Variants in RAB15 observed in about 807,000 individuals in gnomAD.
The protein encoded by RAB15 is RAB15, member RAS oncogene family, also known as ras-related protein Rab-15.
RAB15 carries 13 observed loss-of-function variants against 31.8 expected under a neutral mutation model. The ratio of observed to expected loss-of-function variants is 0.41; its 90% confidence interval spans 0.27 to 0.65. The LOEUF is 0.65. Among genes scored for constraint, RAB15 ranks in the 30% least tolerant of loss-of-function variants. The probability of loss-of-function intolerance (pLI) is 0.32; values close to 1 mark genes in which losing one functional copy is unlikely to be tolerated. For synonymous variants in RAB15, 100 were observed against 105.6 expected, an observed-to-expected ratio of 0.95 and a Z score of 0.33; for missense variants, 220 against 277.3, an observed-to-expected ratio of 0.79 and a Z score of 1.47.
chr14:64,957,303 G>A (rs1433306663), intron 1 of RAB15, among the ~76,000 whole-genome samples: 6 of 152,212 alleles, frequency 3.9e-5, no homozygotes, highest in Non-Finnish European at 8.8e-5. Flanking sequence ...TAAATTAAAC[G>A]ATGTATGTGA....
Position 64,948,240 on chromosome 14 carries a change from C to A in RAB15, c.*114G>T. On this transcript the variant is annotated 3_prime_UTR_variant, in exon 7 of 7. Transcript: ENST00000533601. The surrounding 1 kb of genome is among the most constrained non-coding windows in gnomAD (Gnocchi z 7.0). ...GCAGGGGGAGTAGTGGCTACTGATA[C>A]TCAATAGGGTCATCACACGAGAGGA... is the stretch of plus-strand genomic sequence containing the variant. 8.8e-7 allele frequency: 1 copy of A among 1,142,402 alleles called. No homozygotes were observed. Among genetic ancestry groups the A allele is most frequent in the Non-Finnish European group, 1.2e-6 (1 of 846,646 alleles). 70.8% of individuals were successfully genotyped at this position (1,142,402 alleles called of 1,614,324 possible).
At chr14:64,961,052 A>G (rs1886825979) in intron 1 of RAB15, among the ~76,000 whole-genome samples, 1 of 151,986 alleles carries the variant, frequency 6.6e-6, no homozygotes, top group South Asian at 2.2e-4. Flanking sequence ...TGTTATCACC[A>G]GGATCAACCA....
In RAB15 at chr14:64,954,190, T is replaced by C. The variant is rs1886416680; in HGVS notation, c.125-1619A>G. ...ATCCATTGAGCTGTACTTTTCCAAA[T>C]GGGCAATGCCTGGCAGCCATTCTTC... On this transcript the variant is annotated intron_variant, in intron 1 of 6. Coordinates refer to ENST00000533601, the MANE Select transcript of RAB15 (RefSeq NM_001308154.2). This position sits in a 1 kb window ranked among gnomAD's most constrained non-coding sequence, Gnocchi z 4.3. 2.0e-6 allele frequency: 2 copies of C among 985,278 alleles called. No individual in the cohort carries two copies. The highest frequency in any genetic ancestry group is 9.4e-5 in the South Asian group (2 of 21,296). The allele number at this position is 985,278 out of a possible 1,614,324, so 61.0% of individuals were successfully genotyped here.
At chr14:64,956,936 T>TC (rs72335262) in intron 1 of RAB15, among the ~76,000 whole-genome samples, 2 of 45,002 alleles carry the variant, frequency 4.4e-5, no homozygotes, top group African/African-American at 6.1e-4. Context: ...CTAGCTTCAA[T>TC]TTTTTTTTTT....
At chr14:64,969,554 A>C (rs925315409) in intron 1 of RAB15, among the ~76,000 whole-genome samples, 2 of 152,196 alleles carry the variant, frequency 1.3e-5, no homozygotes, top group Non-Finnish European at 2.9e-5. Context: ...ATGGAATCCA[A>C]ACTCCTAGAG....
In RAB15 at chr14:64,953,349, G is replaced by C. The variant is rs1450090224; in HGVS notation, c.125-778C>G. Among the ~76,000 whole-genome samples, 1 of 152,206 alleles carries C rather than the reference G, an allele frequency of 6.6e-6. No individual in the cohort carries two copies. Among genetic ancestry groups the C allele is most frequent in the Non-Finnish European group, 1.5e-5 (1 of 68,042 alleles). ...ACCAGTATCTCAGAGGGTTGCTGAG[G>C]AGGCCGGATGAGATACAGCACCTGG... On this transcript the variant is annotated intron_variant, in intron 1 of 6. Transcript: ENST00000533601. The surrounding 1 kb of genome is among the most constrained non-coding windows in gnomAD (Gnocchi z 4.6).
intron 1 of RAB15, among the ~76,000 whole-genome samples, chr14:64,963,021 A>T (rs2139994414): frequency 6.6e-6 from 1 of 151,900 alleles, no homozygotes; most frequent in South Asian, 2.1e-4. Flanking sequence ...AATAAATGGC[A>T]TGCGTAAAGC....
chr14:64,961,365 T>C (rs1226022189), intron 1 of RAB15, among the ~76,000 whole-genome samples: 1 of 152,186 alleles, frequency 6.6e-6, no homozygotes, highest in Non-Finnish European at 1.5e-5. Flanking sequence ...GGAGCTGATA[T>C]GGTTTGGCTG....
chr14:64,964,521 AAAAAAAAAAG>A lies in RAB15; in HGVS notation c.124+7422_124+7431del, dbSNP rs1435554537. 1.9e-3 allele frequency among the ~76,000 whole-genome samples: 286 copies of A among 147,080 alleles called. 3 individuals are homozygous for A. Among genetic ancestry groups the A allele is most frequent in the African/African-American group, 6.8e-3 (267 of 39,204 alleles). On this transcript the variant is annotated intron_variant, in intron 1 of 6. Transcript: ENST00000533601. Reference sequence around the variant, plus strand: ...GTGACAGAGCAAGACTCTGTTTCAAAAAAAAAAAAGAAAAAAAGAAAAAAGAAAGAAAAGA... The same window carrying A: ...GTGACAGAGCAAGACTCTGTTTCAAAAAAAAAAGAAAAAAGAAAGAAAAGA...
intron 1 of RAB15, among the ~76,000 whole-genome samples, chr14:64,966,126 G>C (rs1887125042): frequency 6.6e-6 from 1 of 152,166 alleles, no homozygotes; most frequent in Non-Finnish European, 1.5e-5. Context: ...GGGGGTACTA[G>C]AGCAGAAACT....
intron 1 of RAB15, among the ~76,000 whole-genome samples, chr14:64,963,604 C>T (rs1181552517): frequency 6.6e-6 from 1 of 152,184 alleles, no homozygotes; most frequent in Non-Finnish European, 1.5e-5. Context: ...AAGACTAGGA[C>T]ATAGAAACTC....
At position 64,950,026 on chromosome 14, in the gene RAB15, T is replaced by C. The variant is rs1210818486; in HGVS notation, c.414+299A>G. On this transcript the variant is annotated intron_variant, in intron 5 of 6. Coordinates refer to ENST00000533601, the MANE Select transcript of RAB15 (RefSeq NM_001308154.2). The surrounding 1 kb of genome is among the most constrained non-coding windows in gnomAD (Gnocchi z 5.6). ...AGGTTGACAACTTGAAGTCCTTCAT[T>C]ACTAACACGGGGATGATCTCTTAAG... Among the ~76,000 whole-genome samples, 1 of 152,174 alleles carries C rather than the reference T, an allele frequency of 6.6e-6. No homozygotes were observed. The highest frequency in any genetic ancestry group is 1.5e-5 in the Non-Finnish European group (1 of 68,028).
rs763476669 is a variant in RAB15 at position 64,971,470 on chromosome 14, C to T, written c.124+483G>A. On this transcript the variant is annotated intron_variant, in intron 1 of 6. Coordinates refer to ENST00000533601, the MANE Select transcript of RAB15 (RefSeq NM_001308154.2). The surrounding 1 kb of genome is among the most constrained non-coding windows in gnomAD (Gnocchi z 4.1). Reference sequence around the variant, plus strand: ...CCCTGGAAACTCGATCCCTGTGGCCCCTCCGTACGTCCTCTCTTCCCCCCC... The same window carrying T: ...CCCTGGAAACTCGATCCCTGTGGCCTCTCCGTACGTCCTCTCTTCCCCCCC... Among the ~76,000 whole-genome samples the T allele has an allele frequency of 2.0e-5, 3 of 152,138 alleles. No individual in the cohort carries two copies. The highest frequency in any genetic ancestry group is 6.5e-5 in the Admixed American group (1 of 15,282).
rs1394713815 is a variant in RAB15, at chr14:64,955,043, G to A, written c.125-2472C>T. Reference sequence around the variant, plus strand: ...CTCCCTCACTTCTTAGCTATGTGGCGGGGGACTAAGGCTGAGGAATTCCGG... The same window carrying A: ...CTCCCTCACTTCTTAGCTATGTGGCAGGGGACTAAGGCTGAGGAATTCCGG... On this transcript the variant is annotated intron_variant, in intron 1 of 6. Coordinates refer to ENST00000533601, the MANE Select transcript of RAB15 (RefSeq NM_001308154.2). This position sits in a 1 kb window ranked among gnomAD's most constrained non-coding sequence, Gnocchi z 4.4. 6.6e-6 allele frequency among the ~76,000 whole-genome samples: 1 copy of A among 152,032 alleles called. No homozygotes were observed. Among genetic ancestry groups the A allele is most frequent in the Non-Finnish European group, 1.5e-5 (1 of 67,986 alleles).
Position 64,951,756 on chromosome 14 carries a change from G to T in RAB15, c.186-93C>A. 9.2e-7 allele frequency: 1 copy of T among 1,090,612 alleles called. No individual in the cohort carries two copies. Among genetic ancestry groups the T allele is most frequent in the South Asian group, 1.3e-5 (1 of 79,860 alleles). The allele number at this position is 1,090,612 out of a possible 1,614,324, so 67.6% of individuals were successfully genotyped here. ...AGCTGTCCCCTTGTAGGAAAAACTG[G>T]GGAGCTAAAGGGTGAAAAACCAGGG... On this transcript the variant is annotated intron_variant, in intron 2 of 6. Coordinates refer to ENST00000533601, the MANE Select transcript of RAB15 (RefSeq NM_001308154.2). This position sits in a 1 kb window ranked among gnomAD's most constrained non-coding sequence, Gnocchi z 7.2.
In RAB15 at chr14:64,950,605, G is replaced by A. The variant is rs1886196753; in HGVS notation, c.325-191C>T. On this transcript the variant is annotated intron_variant, in intron 4 of 6. Transcript: ENST00000533601. The surrounding 1 kb of genome is among the most constrained non-coding windows in gnomAD (Gnocchi z 5.6). ...TCAAGGGTATCACGGGGAGAGCTTA[G>A]GGTAGAAGACACTCTGGCTAAGACT... 1.6e-6 allele frequency: 1 copy of A among 630,218 alleles called. No homozygotes were observed. The highest frequency in any genetic ancestry group is 1.8e-5 in the African/African-American group (1 of 54,750). 39.0% of individuals were successfully genotyped at this position (630,218 alleles called of 1,614,324 possible).
chr14:64,951,208 GC>G lies in RAB15; in HGVS notation c.247-58del. The G allele has an allele frequency of 1.4e-6, 2 of 1,405,578 alleles. No individual in the cohort carries two copies. Among genetic ancestry groups the G allele is most frequent in the Non-Finnish European group, 2.0e-6 (2 of 1,004,426 alleles). 87.1% of individuals were successfully genotyped at this position (1,405,578 alleles called of 1,614,324 possible). On this transcript the variant is annotated intron_variant, in intron 3 of 6. Coordinates refer to ENST00000533601, the MANE Select transcript of RAB15 (RefSeq NM_001308154.2). This position sits in a 1 kb window ranked among gnomAD's most constrained non-coding sequence, Gnocchi z 7.2. ...TGCACAGAGAGAGTGCAGTCATGGG[GC>G]CAGAAGGGGCCGTGGAAACTTAAAG...
In RAB15 at chr14:64,950,284, GCA is replaced by G; in HGVS notation, c.414+39_414+40del. 3 of 1,540,008 alleles carry G rather than the reference GCA, an allele frequency of 1.9e-6. No homozygotes were observed. Among genetic ancestry groups the G allele is most frequent in the Non-Finnish European group, 2.7e-6 (3 of 1,113,452 alleles). On this transcript the variant is annotated intron_variant, in intron 5 of 6. Transcript: ENST00000533601. The surrounding 1 kb of genome is among the most constrained non-coding windows in gnomAD (Gnocchi z 5.6). ...GCTCAGGACTGGCCCTGGAGGCCCA[GCA>G]GAGGACCTGGGGTGGACTTGCCTTT...
rs531990338 is a variant in RAB15, at chr14:64,946,918, A to T, written c.*1436T>A. 6.5e-6 allele frequency: 1 copy of T among 152,738 alleles called. No homozygotes were observed. Among genetic ancestry groups the T allele is most frequent in the Admixed American group, 6.5e-5 (1 of 15,304 alleles). 9.5% of individuals were successfully genotyped at this position (152,738 alleles called of 1,614,324 possible). ...ACTCTTGGGCCATATGGGGTTAAAG[A>T]AACTTCCTGAACATAGCACTCTGGA... On this transcript the variant is annotated 3_prime_UTR_variant, in exon 7 of 7. Coordinates refer to ENST00000533601, the MANE Select transcript of RAB15 (RefSeq NM_001308154.2).
Sources: gnomAD v4.1 joint callset for allele counts (sites outside exome capture counted in the v4.1 genomes callset) on GRCh38, gnomAD v4.1.1 for gene constraint, Gnocchi (gnomAD v3.1) non-coding constraint, MANE v1.5 for transcripts, NCBI Gene and HGNC (gene_info 2026-07-23, HGNC 2026-07-21) for gene names.